Variants in CSF2RA observed in about 807,000 individuals in gnomAD.
CSF2RA encodes the protein colony stimulating factor 2 receptor subunit alpha, also known as granulocyte-macrophage colony-stimulating factor receptor subunit alpha.
In CSF2RA, 42 loss-of-function variants were observed where a neutral mutation model predicts 51.6. That is an observed-to-expected ratio of 0.81 (90% CI 0.64 to 1.05). CSF2RA has a LOEUF of 1.05. Ranked by LOEUF, CSF2RA falls within the 50% of genes least tolerant of loss-of-function variation. The pLI, the probability that CSF2RA is intolerant of heterozygous loss-of-function variation, is 0.00. For missense variants in CSF2RA, 530 were observed against 501.1 expected, an observed-to-expected ratio of 1.06 and a Z score of -0.55; for synonymous variants, 222 against 193.0, an observed-to-expected ratio of 1.15 and a Z score of -1.24.
At chrX:1,320,771 A>C in the CSF2RA span, among the ~76,000 whole-genome samples, 1 of 149,414 alleles carries the variant, frequency 6.7e-6, no homozygotes, top group Non-Finnish European at 1.5e-5. Context: ...TCAGCCTCCC[A>C]AAGTGCTGGG....
chrX:1,316,088 A>G, the CSF2RA span, among the ~76,000 whole-genome samples: 2 of 76,872 alleles, frequency 2.6e-5, no homozygotes, highest in East Asian at 1.6e-3. Flanking sequence ...AGAATAGATA[A>G]ATGGATAGAT....
intron 6 of CSF2RA, among the ~76,000 whole-genome samples, chrX:1,289,613 T>TTTTTG (rs760830122): frequency 6.6e-6 from 1 of 151,972 alleles, no homozygotes; most frequent in Admixed American, 6.6e-5. Flanking sequence ...TTTGTGTTTG[T>TTTTTG]TTTTGTTTTG....
chrX:1,303,160 C>T (rs1483347826), intron 10 of CSF2RA: 13 of 262,756 alleles, frequency 4.9e-5, no homozygotes, highest in South Asian at 1.8e-4. Context: ...CAGGCTCAAG[C>T]GATTCTCCTG....
the CSF2RA span, among the ~76,000 whole-genome samples, chrX:1,322,017 C>G: frequency 6.6e-6 from 1 of 152,166 alleles, no homozygotes; most frequent in East Asian, 1.9e-4. Context: ...TGCCTGTAAT[C>G]CCAGAACTTT....
In CSF2RA at chrX:1,305,494, C is replaced by A. The variant is rs2083466656; in HGVS notation, c.1092C>A (p.Asp364Glu). Residue 364 changes from aspartate (D) to glutamate (E), a missense_variant, in exon 12 of 13, where the codon GAC (aspartate) becomes GAA (glutamate). Physicochemically the swap from Asp to Glu is conservative, Grantham distance 45. Coordinates refer to ENST00000381529, the MANE Select transcript of CSF2RA (RefSeq NM_172245.4). ...RLFPPVPQIK[D>E]KLNDNHEVED... Reference sequence around the variant, plus strand: ...TCCCGCCAGTTCCACAGATCAAAGACAAACTGAATGATAACCATGAGGTGG... The same window carrying A: ...TCCCGCCAGTTCCACAGATCAAAGAAAAACTGAATGATAACCATGAGGTGG... 6.2e-7 allele frequency: 1 copy of A among 1,613,920 alleles called. No homozygotes were observed. Among genetic ancestry groups the A allele is most frequent in the Non-Finnish European group, 8.5e-7 (1 of 1,179,864 alleles).
chrX:1,299,233 TTA>T (rs1192772294), intron 9 of CSF2RA, among the ~76,000 whole-genome samples: 2 of 152,190 alleles, frequency 1.3e-5, no homozygotes, highest in Non-Finnish European at 2.9e-5. Context: ...TCTAAGGAGA[TTA>T]TGTCTCCCTC....
At chrX:1,282,334 A>C (rs1249412529) in intron 2 of CSF2RA, 1 of 325,280 alleles carries the variant, frequency 3.1e-6, no homozygotes, top group Non-Finnish European at 5.7e-6. Flanking sequence ...ATGAAAAATG[A>C]ATGAAAGTGA....
At position 1,294,324 on chromosome X, in the gene CSF2RA, A is replaced by G. The variant is rs779141109; in HGVS notation, c.647-4A>G. 6 of 1,613,170 alleles carry G rather than the reference A, an allele frequency of 3.7e-6. No homozygotes were observed. The African/African-American group carries it at 6.7e-5, about 18-fold the overall frequency. On this transcript the variant is annotated splice_polypyrimidine_tract_variant and splice_region_variant and intron_variant, in intron 7 of 12. Coordinates refer to ENST00000381529, the MANE Select transcript of CSF2RA (RefSeq NM_172245.4). ...CAGGGGTGTGTCCTGCGCCCTCGTTACAGAACGATTCAACCCTCCCAGCAA... is the reference window on the plus strand; with the variant it reads ...CAGGGGTGTGTCCTGCGCCCTCGTTGCAGAACGATTCAACCCTCCCAGCAA...
the CSF2RA span, among the ~76,000 whole-genome samples, chrX:1,320,409 T>G: frequency 6.6e-6 from 1 of 152,090 alleles, no homozygotes; most frequent in African/African-American, 2.4e-5. Flanking sequence ...TTTTTGCTTT[T>G]AGTCAGAAAA....
intron 1 of CSF2RA, 103 bp from the exon 2 acceptor site, chrX:1,274,652 A>G (rs1386722991): frequency 4.4e-5 from 18 of 410,036 alleles, no homozygotes; most frequent in Middle Eastern, 7.5e-4. Flanking sequence ...AAACCTTTGT[A>G]GTACCTTATT....
intron 11 of CSF2RA, among the ~76,000 whole-genome samples, chrX:1,304,355 GCA>G (rs1349617867): frequency 0.017 from 460 of 26,974 alleles, 20 homozygotes; most frequent in South Asian, 0.014. Flanking sequence ...AGCCGAGATT[GCA>G]CCACTGCACT....
intron 3 of CSF2RA, 196 bp from the exon 4 acceptor site, chrX:1,285,582 C>T: frequency 1.5e-6 from 1 of 680,296 alleles, no homozygotes; most frequent in Non-Finnish European, 2.5e-6. Context: ...GTCATCCCAG[C>T]TACTCGGGAG....
chrX:1,311,907 C>G (rs2084209160), downstream of CSF2RA, among the ~76,000 whole-genome samples: 1 of 152,078 alleles, frequency 6.6e-6, no homozygotes, highest in South Asian at 2.1e-4. Flanking sequence ...CTGTTGACTC[C>G]TCATATCTCA....
chrX:1,305,669 T>G (rs2083490685), intron 12 of CSF2RA, 142 bp downstream of exon 12: 2 of 1,596,738 alleles, frequency 1.3e-6, no homozygotes, highest in Non-Finnish European at 1.7e-6. Flanking sequence ...GGAATCTGTA[T>G]CCCACTCCTG....
rs190606141 is a variant in CSF2RA, at chrX:1,305,458, A to T, written c.1056A>T (p.Ile352=). The T allele has an allele frequency of 7.4e-5, 120 of 1,614,026 alleles. 1 individual carries two copies. The African/African-American group carries it at 1.4e-3, about 19-fold the overall frequency. The change falls in exon 12 of 13, where the codon ATA becomes ATT. Residue 352 remains isoleucine (I), a synonymous_variant. Coordinates refer to ENST00000381529, the MANE Select transcript of CSF2RA (RefSeq NM_172245.4). The part of the protein sequence containing the change: ...LGFLFKRFLR[I]QRLFPPVPQI... Reference sequence around the variant, plus strand: ...CTCTGTGTCTCAGGTTCCTTAGGATACAGCGGCTGTTCCCGCCAGTTCCAC... The same window carrying T: ...CTCTGTGTCTCAGGTTCCTTAGGATTCAGCGGCTGTTCCCGCCAGTTCCAC...
chrX:1,270,989 C>T (rs1312490493), intron 1 of CSF2RA, among the ~76,000 whole-genome samples: 6 of 150,964 alleles, frequency 4.0e-5, no homozygotes, highest in Admixed American at 6.7e-5. Context: ...CAGACCAGCC[C>T]GGGGCAACAT....
chrX:1,310,824 G>C (rs1338798134), downstream of CSF2RA, among the ~76,000 whole-genome samples: 9 of 152,136 alleles, frequency 5.9e-5, no homozygotes, highest in Admixed American at 3.9e-4. Flanking sequence ...GGTTCTCCGG[G>C]TTGGAGGTGG....
At chrX:1,300,956 C>T (rs112644212) in intron 10 of CSF2RA, among the ~76,000 whole-genome samples, 2 of 151,882 alleles carry the variant, frequency 1.3e-5, no homozygotes, top group Non-Finnish European at 2.9e-5. Context: ...GAGTTTGAGA[C>T]CAGCCTGGCC....
At chrX:1,292,484 G>A (rs1384655914) in intron 7 of CSF2RA, among the ~76,000 whole-genome samples, 1 of 152,108 alleles carries the variant, frequency 6.6e-6, no homozygotes, top group South Asian at 2.1e-4. Flanking sequence ...CACTATCTTG[G>A]CAAGGGGAAT....
Sources: gnomAD v4.1 joint callset for allele counts (sites outside exome capture counted in the v4.1 genomes callset) on GRCh38, gnomAD v4.1.1 for gene constraint, MANE v1.5 for transcripts, NCBI Gene and HGNC (gene_info 2026-07-23, HGNC 2026-07-21) for gene names.